The following RADIL variants were observed in gnomAD, a reference collection of about 807,000 sequenced individuals.
RADIL encodes the protein ras-associating and dilute domain-containing protein.
RADIL carries 99 observed loss-of-function variants against 97.6 expected under a neutral mutation model. The ratio of observed to expected loss-of-function variants is 1.01; its 90% confidence interval spans 0.86 to 1.20. The LOEUF is 1.20. RADIL is among the 50% of genes most tolerant of loss of function. The pLI, the probability that RADIL is intolerant of heterozygous loss-of-function variation, is 0.00. For synonymous variants in RADIL, 803 were observed against 691.8 expected, an observed-to-expected ratio of 1.16 and a Z score of -2.52; for missense variants, 1,765 against 1,498.9, an observed-to-expected ratio of 1.18 and a Z score of -2.93.
intron 2 of RADIL, among the ~76,000 whole-genome samples, chr7:4,866,479 C>A (rs114948885): frequency 6.6e-6 from 1 of 152,144 alleles, no homozygotes; most frequent in African/African-American, 2.4e-5. Flanking sequence ...TCATCCAAGT[C>A]TCTGGCAAAT....
At chr7:4,848,465 T>G (rs772151121) in intron 2 of RADIL, among the ~76,000 whole-genome samples, 9 of 151,760 alleles carry the variant, frequency 5.9e-5, no homozygotes, top group Non-Finnish European at 1.3e-4. Flanking sequence ...ATCGAATATA[T>G]CTGAACATCT....
chr7:4,852,922 T>C (rs886649096), intron 2 of RADIL, among the ~76,000 whole-genome samples: 1 of 152,186 alleles, frequency 6.6e-6, no homozygotes, highest in Non-Finnish European at 1.5e-5. Flanking sequence ...CTGGGGCAGA[T>C]ATTTGTGTCT....
At chr7:4,805,792 G>A in intron 9 of RADIL, 76 bp from the exon 10 acceptor site, 1 of 1,525,008 alleles carries the variant, frequency 6.6e-7, no homozygotes, top group Non-Finnish European at 8.8e-7. Flanking sequence ...GGCCTCCACA[G>A]GTGGCCTGGG....
At chr7:4,860,225 C>A (rs2115031938) in intron 2 of RADIL, 1 of 1,613,986 alleles carries the variant, frequency 6.2e-7, no homozygotes, top group East Asian at 2.2e-5. Flanking sequence ...GTTTTCACAG[C>A]CTGCAGACAA....
In RADIL at chr7:4,814,836, G is replaced by A. The variant is rs1008724833; in HGVS notation, c.2139+442C>T. Among the ~76,000 whole-genome samples, 3 of 152,320 alleles carry A rather than the reference G, an allele frequency of 2.0e-5. No individual in the cohort carries two copies. Among genetic ancestry groups the A allele is most frequent in the East Asian group, 3.9e-4 (2 of 5,176 alleles). The stretch of plus-strand genomic sequence containing the variant: ...GTTTCCAGACTGGCTGTCAGCTGGG[G>A]TCACTCCAGCTTCTAGAGGCCACTG... On this transcript the variant is annotated intron_variant, in intron 9 of 14. Transcript: ENST00000399583. This position sits in a 1 kb window ranked among gnomAD's most constrained non-coding sequence, Gnocchi z 4.5.
chr7:4,838,905 T>C (rs947264846), intron 2 of RADIL, among the ~76,000 whole-genome samples: 1 of 152,206 alleles, frequency 6.6e-6, no homozygotes. Context: ...TCCCCTGCTG[T>C]GGAACAGCCA....
chr7:4,830,125 A>T (rs1178491079), intron 5 of RADIL, among the ~76,000 whole-genome samples: 3 of 152,172 alleles, frequency 2.0e-5, no homozygotes, highest in African/African-American at 7.2e-5. Flanking sequence ...TGTGAGTATC[A>T]TACGTACGTG....
At position 4,798,854 on chromosome 7, in the gene RADIL, G is replaced by C; in HGVS notation, c.*524C>G. 1 of 162,692 alleles carries C rather than the reference G, an allele frequency of 6.1e-6. No homozygotes were observed. 10.1% of individuals were successfully genotyped at this position (162,692 alleles called of 1,614,324 possible). A position where few individuals can be genotyped will look rare whatever the true frequency, so the allele number is the denominator to read the frequency against. On this transcript the variant is annotated 3_prime_UTR_variant, in exon 15 of 15. Transcript: ENST00000399583. ...CTCTGGGGCCTGTGCTGAGCAGCGG[G>C]ATCAGAAGTCCAGCATCCTCTGCCA...
chr7:4,850,139 A>C (rs534081965), intron 2 of RADIL, among the ~76,000 whole-genome samples: 1 of 150,584 alleles, frequency 6.6e-6, no homozygotes, highest in Non-Finnish European at 1.5e-5. Context: ...ACAGAAAACT[A>C]AGTATATGAT....
chr7:4,862,657 A>T (rs1368943585), intron 2 of RADIL, among the ~76,000 whole-genome samples: 6 of 152,064 alleles, frequency 3.9e-5, no homozygotes, highest in Admixed American at 1.3e-4. Context: ...TCCCAGCACT[A>T]TGGGAGGCCG....
At chr7:4,827,553 C>G (rs565560593) in intron 5 of RADIL, among the ~76,000 whole-genome samples, 3 of 151,894 alleles carry the variant, frequency 2.0e-5, no homozygotes, top group Non-Finnish European at 2.9e-5. Flanking sequence ...CCCAGCTACT[C>G]GGGAGGCTGA....
intron 2 of RADIL, among the ~76,000 whole-genome samples, chr7:4,870,494 T>C (rs10256296): frequency 0.47 from 71,839 of 152,076 alleles, 19,745 homozygotes; most frequent in African/African-American, 0.76. Context: ...CAGGCTGGAG[T>C]GCAGTGGCAC....
Position 4,842,055 on chromosome 7 carries a change from CAAA to C in RADIL, c.536-5453_536-5451del, listed in dbSNP as rs11319065. On this transcript the variant is annotated intron_variant, in intron 2 of 14. Transcript: ENST00000399583. This position sits in a 1 kb window ranked among gnomAD's most constrained non-coding sequence, Gnocchi z 4.5. ...GGGCAACAGAGCAAGACCCTGTCTCCAAAAAAAAAAAAAGATGCAACAAGGCCA... is the reference window on the plus strand; with the variant it reads ...GGGCAACAGAGCAAGACCCTGTCTCCAAAAAAAAAAGATGCAACAAGGCCA... 1.4e-5 allele frequency among the ~76,000 whole-genome samples: 2 copies of C among 144,992 alleles called. No individual in the cohort carries two copies. Among genetic ancestry groups the C allele is most frequent in the Non-Finnish European group, 1.5e-5 (1 of 65,836 alleles).
intron 13 of RADIL, 132 bp downstream of exon 13, chr7:4,800,039 A>G: frequency 1.5e-6 from 2 of 1,346,110 alleles, no homozygotes; most frequent in Non-Finnish European, 2.0e-6. Context: ...CCAGCTGCAG[A>G]GGCCAACCCC....
chr7:4,827,230 T>A (rs780800504), intron 5 of RADIL, among the ~76,000 whole-genome samples: 6 of 151,666 alleles, frequency 4.0e-5, no homozygotes, highest in Non-Finnish European at 7.4e-5. Context: ...CCGGGCATGG[T>A]GGCAGGCGCC....
Position 4,836,606 on chromosome 7 carries a change from C to A in RADIL, c.536-1G>T, listed in dbSNP as rs1165516480. The A allele has an allele frequency of 1.2e-6, 2 of 1,606,486 alleles. No homozygotes were observed. The highest frequency in any genetic ancestry group is 4.5e-5 in the East Asian group (2 of 44,862). ...AGCCTCCGGGCCTGGGCGTTTATCC[C>A]TGGAACAGAAGCAACACAAGGTGAA... On this transcript the variant is annotated splice_acceptor_variant, in intron 2 of 14. Transcript: ENST00000399583. LOFTEE classifies it high-confidence loss of function.
chr7:4,833,512 C>G (rs1237729601), intron 4 of RADIL, among the ~76,000 whole-genome samples: 1 of 152,216 alleles, frequency 6.6e-6, no homozygotes, highest in Non-Finnish European at 1.5e-5. Flanking sequence ...CACGGACACC[C>G]AGATTACAAC....
rs968005304 is a variant in RADIL at position 4,813,115 on chromosome 7, T to G, written c.2139+2163A>C. ...CTCTCTCTCTCTTTCCTTTCTTTCT[T>G]TCTTTTCTTTCTTTCATAGTTGAGG... On this transcript the variant is annotated intron_variant, in intron 9 of 14. Transcript: ENST00000399583. This position sits in a 1 kb window ranked among gnomAD's most constrained non-coding sequence, Gnocchi z 5.0. Among the ~76,000 whole-genome samples the G allele has an allele frequency of 6.6e-6, 1 of 151,276 alleles. No homozygotes were observed. The highest frequency in any genetic ancestry group is 2.4e-5 in the African/African-American group (1 of 40,896).
Position 4,840,878 on chromosome 7 carries a change from A to G in RADIL, c.536-4273T>C, listed in dbSNP as rs936484170. Among the ~76,000 whole-genome samples the G allele has an allele frequency of 1.3e-5, 2 of 152,128 alleles. No homozygotes were observed. Among genetic ancestry groups the G allele is most frequent in the African/African-American group, 4.8e-5 (2 of 41,416 alleles). The stretch of plus-strand genomic sequence containing the variant: ...GCTACTCGAGAGGCTGAGGCAGGAG[A>G]ATGGCTTGAACCCAGGAGGTGGAGG... On this transcript the variant is annotated intron_variant, in intron 2 of 14. Coordinates refer to ENST00000399583, the MANE Select transcript of RADIL (RefSeq NM_018059.5). The surrounding 1 kb of genome is among the most constrained non-coding windows in gnomAD (Gnocchi z 5.6).
Sources: allele counts gnomAD v4.1 joint callset (sites outside exome capture counted in the v4.1 genomes callset), GRCh38; gene constraint gnomAD v4.1.1; non-coding constraint Gnocchi (gnomAD v3.1); transcripts MANE v1.5; gene names NCBI Gene and HGNC (gene_info 2026-07-23, HGNC 2026-07-21).